MED22: variants seen among roughly 807,000 people sequenced by gnomAD.
MED22 encodes mediator complex subunit 22, also known as mediator of RNA polymerase II transcription subunit 22.
Under a neutral mutation model 22.7 loss-of-function variants are expected in MED22, and 22 were observed. That is an observed-to-expected ratio of 0.97 (90% CI 0.69 to 1.38). MED22 has a LOEUF of 1.38. Ranked by LOEUF, MED22 falls within the 40% of genes most tolerant of loss-of-function variation. The pLI is 0.00. For missense variants in MED22, 247 were observed against 263.0 expected (o/e 0.94, Z 0.42); for synonymous variants, 134 against 119.4 (o/e 1.12, Z -0.80).
At position 133,344,216 on chromosome 9, in the gene MED22, G is replaced by C. The variant is rs2129960581; in HGVS notation, c.322C>G (p.Leu108Val). The C allele has an allele frequency of 1.2e-6, 2 of 1,614,242 alleles. No individual in the cohort carries two copies. Among genetic ancestry groups the C allele is most frequent in the Non-Finnish European group, 1.7e-6 (2 of 1,180,056 alleles). Residue 108 changes from leucine to valine, a missense_variant, in exon 4 of 5, where the codon CTG becomes GTG. Physicochemically the swap from Leu to Val is conservative, Grantham distance 32. Transcript: ENST00000343730. ...AGCTTCCGGTCGCACTCCTCCTGCAGTGTGCGCAGCTGCTGGTTGCGCTGG... is the reference window on the plus strand; with the variant it reads ...AGCTTCCGGTCGCACTCCTCCTGCACTGTGCGCAGCTGCTGGTTGCGCTGG... Reference protein sequence around the residue: ...IDQRNQQLRTLQEECDRKLIT... With the variant: ...IDQRNQQLRTVQEECDRKLIT...
intron 4 of MED22, 62 bp from the exon 5 acceptor site, chr9:133,341,756 G>T: frequency 6.3e-7 from 1 of 1,575,056 alleles, no homozygotes; most frequent in Non-Finnish European, 8.6e-7. Flanking sequence ...AGCCAGGGGA[G>T]GGGAGAGCAA....
chr9:133,340,161 C>T lies in MED22; in HGVS notation c.*1344G>A, dbSNP rs1414848783. ...AATAGTGCGGGAACAGATCACCACACGTATCAATGGGGAAATTCTCCCTCA... is the reference window on the plus strand; with the variant it reads ...AATAGTGCGGGAACAGATCACCACATGTATCAATGGGGAAATTCTCCCTCA... On this transcript the variant is annotated 3_prime_UTR_variant, in exon 5 of 5. Coordinates refer to ENST00000343730, the MANE Select transcript of MED22 (RefSeq NM_133640.5). 6.6e-6 allele frequency: 1 copy of T among 152,234 alleles called. No homozygotes were observed. Among genetic ancestry groups the T allele is most frequent in the Non-Finnish European group, 1.5e-5 (1 of 68,072 alleles). The allele number at this position is 152,234 out of a possible 1,614,324, so 9.4% of individuals were successfully genotyped here.
Position 133,339,249 on chromosome 9 carries a change from A to G in MED22, c.*2256T>C. 1 of 693,198 alleles carries G rather than the reference A, an allele frequency of 1.4e-6. No homozygotes were observed. Among genetic ancestry groups the G allele is most frequent in the Admixed American group, 1.8e-5 (1 of 55,896 alleles). The allele number at this position is 693,198 out of a possible 1,614,324, so 42.9% of individuals were successfully genotyped here. A position where few individuals can be genotyped will look rare whatever the true frequency, so the allele number is the denominator to read the frequency against. On this transcript the variant is annotated 3_prime_UTR_variant, in exon 5 of 5. Transcript: ENST00000343730. ...TAAGGGCAAGATTCTTGCCAAGAGAATGAATGTGCATATTCAGCACACTAA... is the reference window on the plus strand; with the variant it reads ...TAAGGGCAAGATTCTTGCCAAGAGAGTGAATGTGCATATTCAGCACACTAA...
rs2129948505 is a variant in MED22 at position 133,341,490 on chromosome 9, C to T, written c.*15G>A. 49 of 1,477,668 alleles carry T rather than the reference C, an allele frequency of 3.3e-5. No individual in the cohort carries two copies. Among genetic ancestry groups the T allele is most frequent in the Middle Eastern group, 2.4e-4 (1 of 4,084 alleles). 91.5% of individuals were successfully genotyped at this position (1,477,668 alleles called of 1,614,324 possible). On this transcript the variant is annotated 3_prime_UTR_variant, in exon 5 of 5. Transcript: ENST00000343730. The stretch of plus-strand genomic sequence containing the variant: ...TCAGGTTTTGTTCCTGAGAACGAAG[C>T]GTGGCCCCGGAGGCTCAGGCGTGCT...
intron 4 of MED22, chr9:133,343,428 G>C (rs2129956696): frequency 4.4e-5 from 54 of 1,223,084 alleles, no homozygotes; most frequent in Non-Finnish European, 5.3e-5. Flanking sequence ...CAGCTCAAAC[G>C]GTCGAAGGTT....
chr9:133,343,836 C>T (rs183360387), intron 4 of MED22: 10 of 1,411,046 alleles, frequency 7.1e-6, no homozygotes, highest in South Asian at 6.7e-5. Flanking sequence ...AGAGGGCCTG[C>T]GGGGGATACA....
chr9:133,339,461 C>A lies in MED22; in HGVS notation c.*2044G>T. The A allele has an allele frequency of 2.7e-6, 2 of 730,692 alleles. No homozygotes were observed. 45.3% of individuals were successfully genotyped at this position (730,692 alleles called of 1,614,324 possible). On this transcript the variant is annotated 3_prime_UTR_variant, in exon 5 of 5. Coordinates refer to ENST00000343730, the MANE Select transcript of MED22 (RefSeq NM_133640.5). Reference sequence around the variant, plus strand: ...GAACCTCTTCCCTATGAATTCATGGCATCGTGGGTGTTAAAAAAATAAAAG... The same window carrying A: ...GAACCTCTTCCCTATGAATTCATGGAATCGTGGGTGTTAAAAAAATAAAAG...
chr9:133,342,004 C>T (rs1836019815), intron 4 of MED22: 6 of 1,158,408 alleles, frequency 5.2e-6, no homozygotes, highest in South Asian at 2.2e-5. Flanking sequence ...CCTATGCCTC[C>T]CAGCTGGTGC....
chr9:133,346,552 G>T lies in MED22; in HGVS notation c.111C>A (p.Ile37=). ...KSIMDNFTEI[I]KTAKIEDETQ... ...ACCCCACCCCCACCTTGGCGGTCTT[G>T]ATGATCTCGGTGAAGTTGTCCATGA... is the stretch of plus-strand genomic sequence containing the variant. Residue 37 remains isoleucine, a synonymous_variant, in exon 2 of 5, where the codon ATC becomes ATA. Coordinates refer to ENST00000343730, the MANE Select transcript of MED22 (RefSeq NM_133640.5). The T allele has an allele frequency of 6.2e-7, 1 of 1,612,546 alleles. No homozygotes were observed.
intron 4 of MED22, chr9:133,342,378 C>A (rs778796634): frequency 1.3e-5 from 13 of 986,088 alleles, no homozygotes; most frequent in Non-Finnish European, 1.6e-5. Context: ...GGCTTTCCCG[C>A]GGCCTGCCTC....
At chr9:133,344,631 C>T (rs2129962316) in intron 3 of MED22, among the ~76,000 whole-genome samples, 3 of 152,200 alleles carry the variant, frequency 2.0e-5, no homozygotes, top group Admixed American at 2.0e-4. Context: ...ACTCAAACCC[C>T]ACAGATAAAA....
chr9:133,344,379 C>T (rs2129961749), intron 3 of MED22, 46 bp from the exon 4 acceptor site: 19 of 1,599,750 alleles, frequency 1.2e-5, no homozygotes, highest in East Asian at 1.1e-4. Context: ...GGGGGGACAG[C>T]GGCCTTGCCT....
At chr9:133,342,182 A>G in intron 4 of MED22, 9 of 990,848 alleles carry the variant, frequency 9.1e-6, no homozygotes, top group Non-Finnish European at 1.1e-5. Flanking sequence ...ACAGTTGGGA[A>G]CACAGGCCCT....
chr9:133,346,779 G>T, intron 1 of MED22, 79 bp from the exon 2 acceptor site: 1 of 1,247,212 alleles, frequency 8.0e-7, no homozygotes, highest in Non-Finnish European at 1.1e-6. Context: ...AGCAGAACAC[G>T]CAGATTTCTG....
intron 3 of MED22, 54 bp downstream of exon 3, chr9:133,345,118 G>A: frequency 6.3e-7 from 1 of 1,580,858 alleles, no homozygotes; most frequent in Admixed American, 1.7e-5. Flanking sequence ...CAGGAAACCT[G>A]AGGGGACTGA....
In MED22 at chr9:133,344,324, C is replaced by T. The variant is rs2129961467; in HGVS notation, c.214G>A (p.Gly72Ser). The change falls in exon 4 of 5, where the codon GGC becomes AGC. Residue 72 changes from glycine (G) to serine (S), a missense_variant. Physicochemically the swap from Gly to Ser is moderately conservative, Grantham distance 56. Transcript: ENST00000343730. ...GACACCAGCTTCATCAGGGACTCGC[C>T]GGCTCGGACCTGTGGCCATCAGAAC... ...HVRAANIVRA[G>S]ESLMKLVSDL... is the part of the protein sequence containing the mutation. The T allele has an allele frequency of 1.5e-5, 24 of 1,613,928 alleles. No homozygotes were observed. The highest frequency in any genetic ancestry group is 1.8e-5 in the Non-Finnish European group (21 of 1,179,980).
chr9:133,346,746 G>T (rs2129970016), intron 1 of MED22, 46 bp from the exon 2 acceptor site: 76 of 1,526,168 alleles, frequency 5.0e-5, no homozygotes, highest in Non-Finnish European at 6.2e-5. Flanking sequence ...GTCTACCCCA[G>T]CCACCCTCTA....
chr9:133,343,030 A>G (rs1052922035), intron 4 of MED22: 3 of 986,998 alleles, frequency 3.0e-6, no homozygotes, highest in Non-Finnish European at 3.6e-6. Context: ...CAGCCACCCT[A>G]GTGTGGAGGA....
chr9:133,339,170 A>G lies in MED22; in HGVS notation c.*2335T>C. On this transcript the variant is annotated 3_prime_UTR_variant, in exon 5 of 5. Transcript: ENST00000343730. The stretch of plus-strand genomic sequence containing the variant: ...GCCCCACAAATGTCACCATGGCTAG[A>G]CTGGGAGAGTCTACAGTGTTCCCCA... 1.5e-6 allele frequency: 1 copy of G among 687,192 alleles called. No homozygotes were observed. The highest frequency in any genetic ancestry group is 2.7e-6 in the Non-Finnish European group (1 of 368,694). 42.6% of individuals were successfully genotyped at this position (687,192 alleles called of 1,614,324 possible).
Sources: allele counts gnomAD v4.1 joint callset (sites outside exome capture counted in the v4.1 genomes callset), GRCh38; gene constraint gnomAD v4.1.1; transcripts MANE v1.5; gene names NCBI Gene and HGNC (gene_info 2026-07-23, HGNC 2026-07-21).